AHNAK2: variants seen among roughly 807,000 people sequenced by gnomAD.
AHNAK2 encodes AHNAK nucleoprotein 2.
Under a neutral mutation model 30.7 loss-of-function variants are expected in AHNAK2, and 18 were observed. The observed-to-expected ratio is 0.59, with a 90% CI of 0.41 to 0.87. The LOEUF is 0.87. Ranked by LOEUF, AHNAK2 falls within the 40% of genes least tolerant of loss-of-function variation. The pLI is 0.00. For missense variants in AHNAK2, 8,604 were observed against 7,373.0 expected (o/e 1.17, Z -6.11); for synonymous variants, 3,590 against 3,073.8 (o/e 1.17, Z -5.56).
chr14:104,964,385 T>A (rs1899242271), intron 1 of AHNAK2, among the ~76,000 whole-genome samples: 1 of 151,508 alleles, frequency 6.6e-6, no homozygotes, highest in Admixed American at 6.6e-5. Flanking sequence ...CTGGTGTGGG[T>A]TGGGGGTCAG....
intron 1 of AHNAK2, among the ~76,000 whole-genome samples, chr14:104,970,091 G>C (rs1368030228): frequency 6.6e-6 from 1 of 152,122 alleles, no homozygotes; most frequent in Non-Finnish European, 1.5e-5. Flanking sequence ...GGTGCTCTTG[G>C]CATTCACCTC....
rs751126223 is a variant in AHNAK2, at chr14:104,945,653, G to A, written c.9798C>T (p.Asp3266=). 2.0e-5 allele frequency: 31 copies of A among 1,574,596 alleles called. No individual in the cohort carries two copies. Among genetic ancestry groups the A allele is most frequent in the Admixed American group, 3.4e-5 (2 of 58,106 alleles). ...CCATGCTGGGCTGAGACACCTCCAC[G>A]TCGGGGGCCGTCACATCCATCTTCG... is the stretch of plus-strand genomic sequence containing the variant. ...KGPKMDVTAP[D]VEVSQPSMEV... The change falls in exon 7 of 7, where the codon GAC becomes GAT. Residue 3266 remains aspartate (D), a synonymous_variant. Coordinates refer to ENST00000333244, the MANE Select transcript of AHNAK2 (RefSeq NM_138420.4).
At position 104,951,499 on chromosome 14, in the gene AHNAK2, C is replaced by T. The variant is rs757205214; in HGVS notation, c.3952G>A (p.Asp1318Asn). The T allele has an allele frequency of 2.1e-5, 26 of 1,247,260 alleles. 5 individuals carry two copies. The African/African-American group carries it at 2.7e-4, about 13-fold the overall frequency. The allele number at this position is 1,247,260 out of a possible 1,614,324, so 77.3% of individuals were successfully genotyped here. A position where few individuals can be genotyped will look rare whatever the true frequency, so the allele number is the denominator to read the frequency against. The change falls in exon 7 of 7, where the codon GAC becomes AAC. Residue 1318 changes from aspartate to asparagine, a missense_variant. Physicochemically the swap from Asp to Asn is conservative, Grantham distance 23 (BLOSUM62 1). Coordinates refer to ENST00000333244, the MANE Select transcript of AHNAK2 (RefSeq NM_138420.4). ...CTGTCTTTGGCAGTCACGTCCTTGT[C>T]AGCCAGGGACAGGTCCCCGTCCAGC... ...AQLDGDLSLADKDVTAKDSKF... is the reference protein window; with the variant it reads ...AQLDGDLSLANKDVTAKDSKF...
In AHNAK2 at chr14:104,943,021, C is replaced by T. The variant is rs368444480; in HGVS notation, c.12430G>A (p.Gly4144Arg). The change falls in exon 7 of 7, where the codon GGG (glycine) becomes AGG (arginine). Residue 4144 changes from glycine to arginine, a missense_variant. Transcript: ENST00000333244. ...KMPKFKMPSF[G>R]VSAPGKSMEA... Reference sequence around the variant, plus strand: ...ATGGACTTGCCTGGGGCCGACACCCCGAATGATGGCATCTTGAACTTGGGC... The same window carrying T: ...ATGGACTTGCCTGGGGCCGACACCCTGAATGATGGCATCTTGAACTTGGGC... 5.4e-5 allele frequency: 87 copies of T among 1,613,090 alleles called. No homozygotes were observed. Among genetic ancestry groups the T allele is most frequent in the African/African-American group, 1.1e-4 (8 of 74,720 alleles).
chr14:104,943,263 T>C lies in AHNAK2; in HGVS notation c.12188A>G (p.Lys4063Arg). 11 of 1,612,856 alleles carry C rather than the reference T, an allele frequency of 6.8e-6. No individual in the cohort carries two copies. The highest frequency in any genetic ancestry group is 2.2e-5 in the East Asian group (1 of 44,726). Reference sequence around the variant, plus strand: ...TATCTGGGGGCCCTTGAGGTCCACTTTGGGCATCTTGAAACTGGGCATCTG... The same window carrying C: ...TATCTGGGGGCCCTTGAGGTCCACTCTGGGCATCTTGAAACTGGGCATCTG... Reference protein sequence around the residue: ...KVQMPSFKMPKVDLKGPQIDV... With the variant: ...KVQMPSFKMPRVDLKGPQIDV... Residue 4063 changes from lysine (K) to arginine (R), a missense_variant, in exon 7 of 7, where the codon AAA (lysine) becomes AGA (arginine). By Grantham distance (26) the Lys-to-Arg change is conservative. Transcript: ENST00000333244.
In AHNAK2 at chr14:104,954,448, C is replaced by G; in HGVS notation, c.1003G>C (p.Gly335Arg). The G allele has an allele frequency of 6.2e-7, 1 of 1,612,708 alleles. No individual in the cohort carries two copies. The highest frequency in any genetic ancestry group is 1.3e-5 in the African/African-American group (1 of 75,032). ...CCTGGCTGTCCTGTCGATGAAGGGC[C>G]CTGTCCCGAGCCTGTCCTGAATCTG... ...NLRFRTGSGQGPSSTGQPGRG... is the reference protein window; with the variant it reads ...NLRFRTGSGQRPSSTGQPGRG... Residue 335 changes from glycine (G) to arginine (R), a missense_variant, in exon 7 of 7, where the codon GGC (glycine) becomes CGC (arginine). Physicochemically the swap from Gly to Arg is moderately radical, Grantham distance 125. Coordinates refer to ENST00000333244, the MANE Select transcript of AHNAK2 (RefSeq NM_138420.4). The surrounding 1 kb of genome is among the most constrained non-coding windows in gnomAD (Gnocchi z 4.3).
chr14:104,942,715 T>C lies in AHNAK2; in HGVS notation c.12736A>G (p.Lys4246Glu). The stretch of plus-strand genomic sequence containing the variant: ...GTCATCACATCCGCCTTGGGGCCTT[T>C]CAGGTCCAGCTTGGGGCCCTTGACA... ...VDVKGPKLDL[K>E]GPKADVMTPV... is the part of the protein sequence containing the mutation. Residue 4246 changes from lysine to glutamate, a missense_variant, in exon 7 of 7, where the codon AAA (lysine) becomes GAA (glutamate). Transcript: ENST00000333244. 4 of 1,613,274 alleles carry C rather than the reference T, an allele frequency of 2.5e-6. No individual in the cohort carries two copies. Among genetic ancestry groups the C allele is most frequent in the Non-Finnish European group, 3.4e-6 (4 of 1,179,700 alleles).
rs1898047691 is a variant in AHNAK2, at chr14:104,942,638, C to CG, written c.12812dup (p.Ala4273SerfsTer11). 1.9e-6 allele frequency: 3 copies of CG among 1,612,058 alleles called. No homozygotes were observed. In the African/African-American group the frequency reaches 4.0e-5, roughly 22 times the overall value. On this transcript the variant is annotated frameshift_variant, in exon 7 of 7. Coordinates refer to ENST00000333244, the MANE Select transcript of AHNAK2 (RefSeq NM_138420.4). LOFTEE classifies it low-confidence loss of function (END_TRUNC). ...GCCGCACACTGTCCAGCTTGGCTCC[C>CG]GGGGCCTCGACGTCCACCTCCATGC...
intron 1 of AHNAK2, among the ~76,000 whole-genome samples, chr14:104,965,378 G>A (rs1899269943): frequency 9.8e-6 from 1 of 102,382 alleles, no homozygotes; most frequent in South Asian, 3.2e-4. Context: ...TCCAGCCTCA[G>A]CAACAAAAGC....
rs534212995 is a variant in AHNAK2 at position 104,949,953 on chromosome 14, A to C, written c.5498T>G (p.Phe1833Cys). 2 of 1,588,440 alleles carry C rather than the reference A, an allele frequency of 1.3e-6. No homozygotes were observed. The highest frequency in any genetic ancestry group is 2.2e-5 in the South Asian group (2 of 90,068). The change falls in exon 7 of 7, where the codon TTC (phenylalanine) becomes TGC (cysteine). Residue 1833 changes from phenylalanine to cysteine, a missense_variant. Phe to Cys is a radical substitution (Grantham distance 205, BLOSUM62 -2). Transcript: ENST00000333244. ...FKMPKFKMPS[F>C]GVSAPGKSIE... ...GGACTTGCCTGGGGCAGACACCCCG[A>C]ACGACGGCATCTTGAACTTGGGCAT... is the stretch of plus-strand genomic sequence containing the variant.
chr14:104,968,264 C>T (rs1469973186), intron 1 of AHNAK2, among the ~76,000 whole-genome samples: 1 of 152,086 alleles, frequency 6.6e-6, no homozygotes, highest in Non-Finnish European at 1.5e-5. Flanking sequence ...GGGGGTGGTA[C>T]CACAGTGAAA....
Position 104,951,931 on chromosome 14 carries a change from C to A in AHNAK2, c.3520G>T (p.Gly1174Trp). 1 of 1,610,576 alleles carries A rather than the reference C, an allele frequency of 6.2e-7. No homozygotes were observed. The highest frequency in any genetic ancestry group is 1.1e-5 in the South Asian group (1 of 90,770). ...ATGGACTTGCCTGGGGCTGACGCCCCGAACGATGGCATCTTGAACTTGGGC... is the reference window on the plus strand; with the variant it reads ...ATGGACTTGCCTGGGGCTGACGCCCAGAACGATGGCATCTTGAACTTGGGC... ...KMPKFKMPSF[G>W]ASAPGKSIEA... is the part of the protein sequence containing the mutation. Residue 1174 changes from glycine to tryptophan, a missense_variant, in exon 7 of 7, where the codon GGG (glycine) becomes TGG (tryptophan). By Grantham distance (184) the Gly-to-Trp change is radical (BLOSUM62 -2). Transcript: ENST00000333244.
intron 1 of AHNAK2, among the ~76,000 whole-genome samples, chr14:104,974,870 C>T (rs902891010): frequency 2.6e-5 from 4 of 152,236 alleles, no homozygotes; most frequent in South Asian, 2.1e-4. Flanking sequence ...CAGTGCCCCC[C>T]ACTTGCTGGG....
chr14:104,970,599 C>A (rs1899447417), intron 1 of AHNAK2: 1 of 856,642 alleles, frequency 1.2e-6, no homozygotes, highest in South Asian at 5.4e-5. Flanking sequence ...GGCTCTGGAC[C>A]CTGCCAGGAC....
Position 104,946,210 on chromosome 14 carries a change from T to G in AHNAK2, c.9241A>C (p.Ile3081Leu), listed in dbSNP as rs1256097498. The change falls in exon 7 of 7, where the codon ATA (isoleucine) becomes CTA (leucine). Residue 3081 changes from isoleucine to leucine, a missense_variant. Physicochemically the swap from Ile to Leu is conservative, Grantham distance 5. Coordinates refer to ENST00000333244, the MANE Select transcript of AHNAK2 (RefSeq NM_138420.4). Reference protein sequence around the residue: ...MPKVDRKGPQIDVKGPKLDLK... With the variant: ...MPKVDRKGPQLDVKGPKLDLK... ...TCCAGCTTGGGGCCCTTGACATCTA[T>G]CTGGGGTCCCTTGCGATCTACTTTG... is the stretch of plus-strand genomic sequence containing the variant. 4.3e-5 allele frequency: 69 copies of G among 1,593,574 alleles called. No homozygotes were observed. The highest frequency in any genetic ancestry group is 5.6e-5 in the Non-Finnish European group (65 of 1,170,104).
chr14:104,938,429 G>A lies in AHNAK2; in HGVS notation c.17022C>T (p.Pro5674=). Residue 5674 remains proline (P), a synonymous_variant, in exon 7 of 7, where the codon CCC becomes CCT. Transcript: ENST00000333244. Reference sequence around the variant, plus strand: ...GTCGTGCCTCAGGCTGTGTTTGAATGGGAGCAGATCTCTGGACGTCATTTT... The same window carrying A: ...GTCGTGCCTCAGGCTGTGTTTGAATAGGAGCAGATCTCTGGACGTCATTTT... ...DSKNDVQRSA[P]IQTQPEARPE... 6.2e-7 allele frequency: 1 copy of A among 1,613,896 alleles called. No individual in the cohort carries two copies. Among genetic ancestry groups the A allele is most frequent in the Non-Finnish European group, 8.5e-7 (1 of 1,179,872 alleles).
Position 104,953,702 on chromosome 14 carries a change from G to C in AHNAK2, c.1749C>G (p.Pro583=). Residue 583 remains proline (P), a synonymous_variant, in exon 7 of 7, where the codon CCC becomes CCG. Transcript: ENST00000333244. ...REDTEGQIRM[P]KFKIPSLGWS... is the part of the protein sequence containing the mutation. ...ATCCTAAGGAGGGTATCTTGAACTT[G>C]GGCATTCTTATCTGTCCTTCTGTGT... 6.2e-7 allele frequency: 1 copy of C among 1,613,812 alleles called. No homozygotes were observed. Among genetic ancestry groups the C allele is most frequent in the Non-Finnish European group, 8.5e-7 (1 of 1,179,880 alleles).
chr14:104,956,061 G>A (rs530660389), intron 4 of AHNAK2, among the ~76,000 whole-genome samples: 59 of 152,318 alleles, frequency 3.9e-4, no homozygotes, highest in Non-Finnish European at 6.0e-4. Context: ...AGGAAAATAC[G>A]GGACATTGGG....
rs2140842342 is a variant in AHNAK2 at position 104,947,592 on chromosome 14, G to A, written c.7859C>T (p.Ala2620Val). ...CGCACCATCCAGCTTTGCTCTCGGG[G>A]CCTGGACGTCCACCTCCATGCTGGA... ...SLSSMEVDVQ[A>V]PRAKLDGARL... Residue 2620 changes from alanine (A) to valine (V), a missense_variant, in exon 7 of 7, where the codon GCC becomes GTC. By Grantham distance (64) the Ala-to-Val change is moderately conservative (BLOSUM62 0). Coordinates refer to ENST00000333244, the MANE Select transcript of AHNAK2 (RefSeq NM_138420.4). 1.2e-6 allele frequency: 2 copies of A among 1,612,876 alleles called. No homozygotes were observed. The highest frequency in any genetic ancestry group is 4.5e-5 in the East Asian group (2 of 44,768).
Sources: allele counts gnomAD v4.1 joint callset (sites outside exome capture counted in the v4.1 genomes callset), GRCh38; gene constraint gnomAD v4.1.1; non-coding constraint Gnocchi (gnomAD v3.1); transcripts MANE v1.5; gene names NCBI Gene and HGNC (gene_info 2026-07-23, HGNC 2026-07-21).